Variants in C8orf34 observed in about 807,000 individuals in gnomAD.
C8orf34 encodes uncharacterized protein C8orf34.
A neutral mutation model predicts 68.3 loss-of-function variants in C8orf34; 65 were observed. That is an observed-to-expected ratio of 0.95 (90% CI 0.78 to 1.17). The LOEUF (loss-of-function observed/expected upper bound fraction) is 1.17. Ranked by LOEUF, C8orf34 falls within the 50% of genes most tolerant of loss-of-function variation. C8orf34 has a pLI of 0.00. For synonymous variants in C8orf34, 244 were observed against 241.2 expected (o/e 1.01, Z -0.11); for missense variants, 664 against 655.4 (o/e 1.01, Z -0.14).
chr8:68,463,436 T>G (rs548786898), intron 3 of C8orf34, among the ~76,000 whole-genome samples: 21 of 152,332 alleles, frequency 1.4e-4, no homozygotes, highest in African/African-American at 5.1e-4. Context: ...CCCTAACTCA[T>G]TTTATGAGGC....
chr8:68,750,342 G>A (rs1479116647), intron 10 of C8orf34, among the ~76,000 whole-genome samples: 2 of 152,200 alleles, frequency 1.3e-5, no homozygotes, highest in Non-Finnish European at 1.5e-5. Context: ...AAGTAAAAGA[G>A]GCCAGACATA....
rs1383992338 is a variant in C8orf34, at chr8:68,813,977, A to G, written c.1550-1909A>G. ...AAATAGCATCCAACTCTAAAGTCTT[A>G]CATTACTGTAATCTGCTATCTGTCA... On this transcript the variant is annotated intron_variant, in intron 12 of 13. Coordinates refer to ENST00000518698, the MANE Select transcript of C8orf34 (RefSeq NM_052958.4). Among the ~76,000 whole-genome samples the G allele has an allele frequency of 3.3e-5, 5 of 152,204 alleles. No homozygotes were observed. In the South Asian group the frequency reaches 6.2e-4, roughly 19 times the overall value.
At chr8:68,563,247 G>A (rs1198379324) in intron 7 of C8orf34, among the ~76,000 whole-genome samples, 1 of 152,132 alleles carries the variant, frequency 6.6e-6, no homozygotes, top group East Asian at 1.9e-4. Flanking sequence ...CTTATTCAAA[G>A]TAAGGATGTA....
chr8:68,649,302 A>G (rs1819273537), intron 8 of C8orf34, among the ~76,000 whole-genome samples: 1 of 152,224 alleles, frequency 6.6e-6, no homozygotes, highest in South Asian at 2.1e-4. Context: ...TGTGTCAGAT[A>G]CTGTGATATG....
intron 4 of C8orf34, among the ~76,000 whole-genome samples, chr8:68,486,721 A>ACC (rs776148574): frequency 3.3e-5 from 5 of 152,078 alleles, no homozygotes; most frequent in Non-Finnish European, 5.9e-5. Flanking sequence ...GGGGATCTGA[A>ACC]CCCTGTAACT....
At chr8:68,604,885 T>G (rs1357025254) in intron 7 of C8orf34, among the ~76,000 whole-genome samples, 1 of 152,152 alleles carries the variant, frequency 6.6e-6, no homozygotes, top group East Asian at 1.9e-4. Flanking sequence ...ACTTCTGCTC[T>G]GCAAAAGGCA....
intron 4 of C8orf34, among the ~76,000 whole-genome samples, chr8:68,475,178 A>G (rs1014235046): frequency 6.6e-6 from 1 of 152,110 alleles, no homozygotes; most frequent in Non-Finnish European, 1.5e-5. Flanking sequence ...TTCCCTCTTC[A>G]GCAAGCCATA....
intron 5 of C8orf34, among the ~76,000 whole-genome samples, chr8:68,520,315 T>G (rs538261495): frequency 6.6e-6 from 1 of 152,234 alleles, no homozygotes; most frequent in Non-Finnish European, 1.5e-5. Flanking sequence ...CTTTTGGTAT[T>G]ATATTTGTAT....
intron 10 of C8orf34, among the ~76,000 whole-genome samples, chr8:68,756,049 A>T (rs1012030856): frequency 2.0e-5 from 3 of 150,618 alleles, no homozygotes; most frequent in Non-Finnish European, 4.4e-5. Context: ...CCTGGGCGAC[A>T]GAGTGAGACT....
chr8:68,802,544 G>T lies in C8orf34; in HGVS notation c.1550-13342G>T, dbSNP rs530252011. On this transcript the variant is annotated intron_variant, in intron 12 of 13. Transcript: ENST00000518698. ...GAGACAAGTTCTGTCTCTTGCTGAG[G>T]CTGGAGAGCTGTGGTGTGATCTCAG... Among the ~76,000 whole-genome samples the T allele has an allele frequency of 2.0e-5, 3 of 152,100 alleles. No individual in the cohort carries two copies. The East Asian group carries it at 5.8e-4, about 29-fold the overall frequency.
intron 11 of C8orf34, among the ~76,000 whole-genome samples, chr8:68,776,865 T>C (rs1823534719): frequency 6.6e-6 from 1 of 152,238 alleles, no homozygotes; most frequent in African/African-American, 2.4e-5. Context: ...AGGGATGATA[T>C]TCATACATGC....
intron 5 of C8orf34, among the ~76,000 whole-genome samples, chr8:68,494,233 T>G (rs2129632076): frequency 6.6e-6 from 1 of 152,278 alleles, no homozygotes; most frequent in East Asian, 1.9e-4. Context: ...ACAACATGGA[T>G]GAACCTTGAG....
intron 1 of C8orf34, among the ~76,000 whole-genome samples, chr8:68,426,654 AAAAAG>A (rs1810239667): frequency 6.6e-6 from 1 of 151,966 alleles, no homozygotes; most frequent in South Asian, 2.1e-4. Flanking sequence ...ACATATTAAA[AAAAAG>A]AAAAGCAATT....
chr8:68,583,795 C>T (rs1817131282), intron 7 of C8orf34, among the ~76,000 whole-genome samples: 1 of 151,906 alleles, frequency 6.6e-6, no homozygotes, highest in African/African-American at 2.4e-5. Flanking sequence ...AAAATAATAT[C>T]GTGGTCTCAT....
chr8:68,684,979 A>G (rs1820471438), intron 8 of C8orf34, among the ~76,000 whole-genome samples: 1 of 152,112 alleles, frequency 6.6e-6, no homozygotes. Context: ...ATGTTTCATT[A>G]ATATACAACA....
At chr8:68,525,727 A>T in intron 6 of C8orf34, 1 of 643,122 alleles carries the variant, frequency 1.6e-6, no homozygotes, top group South Asian at 1.4e-5. Flanking sequence ...GGTTCACAAC[A>T]ATCTTCCCAG....
intron 8 of C8orf34, among the ~76,000 whole-genome samples, chr8:68,689,367 C>T (rs546827645): frequency 1.3e-5 from 2 of 152,080 alleles, no homozygotes; most frequent in African/African-American, 4.8e-5. Context: ...TAGAATTCAT[C>T]CATGTAACCA....
chr8:68,808,508 A>G (rs968759002), intron 12 of C8orf34, among the ~76,000 whole-genome samples: 9 of 151,772 alleles, frequency 5.9e-5, no homozygotes, highest in African/African-American at 2.2e-4. Context: ...TGCTGTATCT[A>G]CTGGGTTTTG....
At chr8:68,459,134 T>C (rs1328950181) in intron 3 of C8orf34, among the ~76,000 whole-genome samples, 1 of 152,224 alleles carries the variant, frequency 6.6e-6, no homozygotes, top group Non-Finnish European at 1.5e-5. Flanking sequence ...GTTTTTATTA[T>C]TTTTAAATGC....
Sources: allele counts gnomAD v4.1 joint callset (sites outside exome capture counted in the v4.1 genomes callset), GRCh38; gene constraint gnomAD v4.1.1; transcripts MANE v1.5; gene names NCBI Gene and HGNC (gene_info 2026-07-23, HGNC 2026-07-21).